Variants in TNFSF10 observed in about 807,000 individuals in gnomAD.
TNFSF10 encodes the protein TNF superfamily member 10.
A neutral mutation model predicts 29.5 loss-of-function variants in TNFSF10; 13 were observed. The observed-to-expected ratio is 0.44, with a 90% CI of 0.29 to 0.70. The LOEUF (loss-of-function observed/expected upper bound fraction) is 0.70, where lower values mean the gene tolerates loss of function less well. Among genes scored for constraint, TNFSF10 ranks in the 30% least tolerant of loss-of-function variants. The pLI, the probability that TNFSF10 is intolerant of heterozygous loss-of-function variation, is 0.13. For missense variants in TNFSF10, 345 were observed against 330.9 expected, an observed-to-expected ratio of 1.04 and a Z score of -0.33; for synonymous variants, 111 against 112.8, an observed-to-expected ratio of 0.98 and a Z score of 0.10.
chr3:172,521,958 A>G (rs986497097), intron 1 of TNFSF10, among the ~76,000 whole-genome samples: 14 of 151,802 alleles, frequency 9.2e-5, no homozygotes, highest in Admixed American at 3.3e-4. Flanking sequence ...AAAACCAAAC[A>G]CTGCATGTTC....
At chr3:172,517,619 T>C (rs1233516469) in intron 1 of TNFSF10, 3 of 985,246 alleles carry the variant, frequency 3.0e-6, no homozygotes, top group Non-Finnish European at 3.6e-6. Flanking sequence ...TTGGATGATA[T>C]CTCTTGTTTA....
At chr3:172,523,188 AAAG>A (rs1713780252) in intron 1 of TNFSF10, 62 bp downstream of exon 1, 1 of 1,502,198 alleles carries the variant, frequency 6.7e-7, no homozygotes, top group South Asian at 1.3e-5. Context: ...GCTGACATGC[AAAG>A]AAGCAGGTAA....
Position 172,523,218 on chromosome 3 carries a change from C to T in TNFSF10, c.132+35G>A, listed in dbSNP as rs188953748. ...AGCAGGTAACCAGACATTTGCTAAGCGCCTCGAAGACTGAGTGCACTGCAC... is the reference window on the plus strand; with the variant it reads ...AGCAGGTAACCAGACATTTGCTAAGTGCCTCGAAGACTGAGTGCACTGCAC... On this transcript the variant is annotated intron_variant, in intron 1 of 4. Transcript: ENST00000241261. The T allele has an allele frequency of 2.7e-5, 42 of 1,540,146 alleles. No individual in the cohort carries two copies. In the Admixed American group the frequency reaches 2.8e-4, roughly 10 times the overall value.
rs551312277 is a variant in TNFSF10, at chr3:172,522,106, C to T, written c.132+1147G>A. ...TCCTAATGCCTGTGGGGCTTACAACCTAGATGATGGGTTGATGGGTGCAGC... is the reference window on the plus strand; with the variant it reads ...TCCTAATGCCTGTGGGGCTTACAACTTAGATGATGGGTTGATGGGTGCAGC... On this transcript the variant is annotated intron_variant, in intron 1 of 4. Coordinates refer to ENST00000241261, the MANE Select transcript of TNFSF10 (RefSeq NM_003810.4). 7 of 246,156 alleles carry T rather than the reference C, an allele frequency of 2.8e-5. No individual in the cohort carries two copies. The East Asian group carries it at 5.8e-4, about 20-fold the overall frequency. The allele number at this position is 246,156 out of a possible 1,614,324, so 15.2% of individuals were successfully genotyped here. A position where few individuals can be genotyped will look rare whatever the true frequency, so the allele number is the denominator to read the frequency against.
intron 1 of TNFSF10, among the ~76,000 whole-genome samples, chr3:172,516,083 A>G (rs1206184737): frequency 6.6e-6 from 1 of 152,150 alleles, no homozygotes; most frequent in African/African-American, 2.4e-5. Flanking sequence ...TAACCCAGTG[A>G]AACCCCATCT....
At chr3:172,508,313 AC>A (rs1298975413) in intron 4 of TNFSF10, among the ~76,000 whole-genome samples, 3 of 147,528 alleles carry the variant, frequency 2.0e-5, no homozygotes, top group Admixed American at 6.7e-5. Context: ...CAAAAAAAAA[AC>A]AAAAAAATAC....
At chr3:172,514,492 A>G (rs1043017035) in intron 2 of TNFSF10, among the ~76,000 whole-genome samples, 2 of 152,134 alleles carry the variant, frequency 1.3e-5, no homozygotes, top group Admixed American at 6.5e-5. Context: ...TCATTATTTG[A>G]TCTTCTTTAT....
intron 1 of TNFSF10, among the ~76,000 whole-genome samples, chr3:172,515,943 G>A (rs1713414025): frequency 6.6e-6 from 1 of 152,126 alleles, no homozygotes; most frequent in Non-Finnish European, 1.5e-5. Flanking sequence ...CAAGTGGGAT[G>A]GAAGAGACGT....
At chr3:172,509,683 T>A (rs3181143) in intron 3 of TNFSF10, among the ~76,000 whole-genome samples, 1 of 152,074 alleles carries the variant, frequency 6.6e-6, no homozygotes, top group Non-Finnish European at 1.5e-5. Flanking sequence ...CTGAGTTAAA[T>A]TGTGCAAATA....
At chr3:172,511,781 A>T in intron 2 of TNFSF10, 122 bp from the exon 3 acceptor site, 1 of 799,100 alleles carries the variant, frequency 1.3e-6, no homozygotes, top group South Asian at 1.7e-5. Context: ...TCAATCTGGG[A>T]AGTTTTAAGT....
intron 1 of TNFSF10, among the ~76,000 whole-genome samples, chr3:172,519,547 G>A (rs186856735): frequency 2.0e-4 from 31 of 152,266 alleles, no homozygotes; most frequent in Middle Eastern, 6.8e-3. Flanking sequence ...CTCTCGTGTA[G>A]ACTTAAAGCT....
intron 1 of TNFSF10, chr3:172,517,371 G>A: frequency 3.0e-6 from 3 of 985,408 alleles, no homozygotes; most frequent in Non-Finnish European, 3.6e-6. Flanking sequence ...GGAAAATTGA[G>A]TAAGGTCCTG....
In TNFSF10 at chr3:172,509,325, A is replaced by G. The variant is rs1560144458; in HGVS notation, c.314-4T>C. On this transcript the variant is annotated splice_region_variant and splice_polypyrimidine_tract_variant and intron_variant, in intron 3 of 4. Transcript: ENST00000241261. ...GGAGAAATATTTTGTTGCTTTTCTA[A>G]AAGAGAAATGATAAAGGGTCATCAA... The G allele has an allele frequency of 6.2e-7, 1 of 1,612,232 alleles. No individual in the cohort carries two copies.
chr3:172,515,949 G>A (rs1035686020), intron 1 of TNFSF10, among the ~76,000 whole-genome samples: 5 of 152,144 alleles, frequency 3.3e-5, no homozygotes, highest in Non-Finnish European at 5.9e-5. Flanking sequence ...GGATGGAAGA[G>A]ACGTTATTTC....
intron 1 of TNFSF10, among the ~76,000 whole-genome samples, chr3:172,516,002 C>G (rs530490276): frequency 1.3e-5 from 2 of 152,090 alleles, no homozygotes; most frequent in Non-Finnish European, 2.9e-5. Context: ...GTGGCTCATG[C>G]CTATAATCCC....
chr3:172,520,460 T>A (rs1294803281), intron 1 of TNFSF10, among the ~76,000 whole-genome samples: 2 of 152,180 alleles, frequency 1.3e-5, no homozygotes, highest in African/African-American at 2.4e-5. Context: ...GCCACATAAC[T>A]AAAAGCAAAA....
chr3:172,509,847 C>T (rs1229815465), intron 3 of TNFSF10, among the ~76,000 whole-genome samples: 1 of 151,960 alleles, frequency 6.6e-6, no homozygotes, highest in East Asian at 1.9e-4. Context: ...GGCATGGTGG[C>T]AGGCACCTAT....
chr3:172,508,779 C>T (rs907561854), intron 4 of TNFSF10, among the ~76,000 whole-genome samples: 2 of 151,998 alleles, frequency 1.3e-5, no homozygotes, highest in African/African-American at 4.8e-5. Context: ...ATCCCAGCTA[C>T]TTGGGAGGCT....
At chr3:172,511,757 TTCTACATGCATTA>T (rs1374697121) in intron 2 of TNFSF10, 98 bp from the exon 3 acceptor site, 1 of 1,032,050 alleles carries the variant, frequency 9.7e-7, no homozygotes, top group Non-Finnish European at 1.4e-6. Context: ...AACAGGAAAT[TTCTACATGCATTA>T]TCAATCTGGG....
Sources: gnomAD v4.1 joint callset for allele counts (sites outside exome capture counted in the v4.1 genomes callset) on GRCh38, gnomAD v4.1.1 for gene constraint, MANE v1.5 for transcripts, NCBI Gene and HGNC (gene_info 2026-07-23, HGNC 2026-07-21) for gene names.